SPECC1: variants seen among roughly 807,000 people sequenced by gnomAD.
SPECC1 encodes the protein sperm antigen with calponin homology and coiled-coil domains 1.
In SPECC1, 62 loss-of-function variants were observed where a neutral mutation model predicts 104.1. The ratio of observed to expected loss-of-function variants is 0.60; its 90% confidence interval spans 0.49 to 0.74. The LOEUF (loss-of-function observed/expected upper bound fraction) is 0.74, where lower values mean the gene tolerates loss of function less well. SPECC1 is among the 30% of genes least tolerant of loss of function. The pLI, the probability that SPECC1 is intolerant of heterozygous loss-of-function variation, is 0.00. For synonymous variants in SPECC1, 513 were observed against 501.6 expected, an observed-to-expected ratio of 1.02 and a Z score of -0.30; for missense variants, 1,306 against 1,310.5, an observed-to-expected ratio of 1.00 and a Z score of 0.05.
At chr17:20,159,380 A>G (rs1479753194) in intron 3 of SPECC1, among the ~76,000 whole-genome samples, 1 of 152,234 alleles carries the variant, frequency 6.6e-6, no homozygotes, top group Admixed American at 6.5e-5. Context: ...TTCTTGAAAA[A>G]GGGATCCCAG....
intron 14 of SPECC1, among the ~76,000 whole-genome samples, chr17:20,306,476 C>T (rs542224127): frequency 2.0e-5 from 3 of 152,180 alleles, no homozygotes; most frequent in Non-Finnish European, 4.4e-5. Flanking sequence ...ACAACTGAGC[C>T]TGCAAAACTC....
chr17:20,159,653 G>T (rs564356670), intron 3 of SPECC1, among the ~76,000 whole-genome samples: 1 of 152,312 alleles, frequency 6.6e-6, no homozygotes, highest in African/African-American at 2.4e-5. Flanking sequence ...GCAGTCCTCC[G>T]AGTTGGGACA....
intron 13 of SPECC1, 116 bp from the exon 14 acceptor site, chr17:20,305,907 A>G (rs987605972): frequency 2.1e-5 from 19 of 886,164 alleles, no homozygotes; most frequent in Middle Eastern, 5.2e-4. Flanking sequence ...TTGACTTACT[A>G]TTCTTCGCTT....
At chr17:20,209,164 G>A (rs908671547) in intron 4 of SPECC1, among the ~76,000 whole-genome samples, 1 of 152,076 alleles carries the variant, frequency 6.6e-6, no homozygotes, top group Non-Finnish European at 1.5e-5. Context: ...GTTTTCAGTG[G>A]TTTCACTTGA....
intron 2 of SPECC1, among the ~76,000 whole-genome samples, chr17:20,104,551 T>C (rs1422005108): frequency 6.6e-6 from 1 of 151,794 alleles, no homozygotes; most frequent in Non-Finnish European, 1.5e-5. Flanking sequence ...GAGACCAGCC[T>C]GGCCAACATG....
intron 13 of SPECC1, 41 bp downstream of exon 13, chr17:20,297,118 T>C (rs1299249989): frequency 6.4e-7 from 1 of 1,565,662 alleles, no homozygotes. Context: ...CTCTAAGAAA[T>C]GCAGGAGTCC....
intron 1 of SPECC1, among the ~76,000 whole-genome samples, chr17:20,012,442 T>C (rs2043976141): frequency 6.6e-6 from 1 of 152,064 alleles, no homozygotes; most frequent in African/African-American, 2.4e-5. Flanking sequence ...GAAGCTGTTT[T>C]ATGTGCTTAA....
At chr17:20,144,922 G>A (rs1176048641) in intron 3 of SPECC1, among the ~76,000 whole-genome samples, 1 of 152,164 alleles carries the variant, frequency 6.6e-6, no homozygotes, top group Non-Finnish European at 1.5e-5. Flanking sequence ...TATAGTGATT[G>A]ATATCAGTCT....
chr17:20,220,558 GTT>G (rs34347184), intron 4 of SPECC1, among the ~76,000 whole-genome samples: 1,781 of 128,012 alleles, frequency 0.014, 32 homozygotes, highest in African/African-American at 0.043. Context: ...GTTCTTAATA[GTT>G]TTTTTTTTTT....
intron 4 of SPECC1, among the ~76,000 whole-genome samples, chr17:20,209,896 A>G (rs564684171): frequency 1.1e-4 from 16 of 152,374 alleles, no homozygotes; most frequent in Non-Finnish European, 1.5e-4. Context: ...AAAGAAAATT[A>G]TCTATTTATT....
intron 12 of SPECC1, among the ~76,000 whole-genome samples, chr17:20,271,573 C>A (rs905538697): frequency 3.9e-5 from 6 of 152,162 alleles, no homozygotes; most frequent in Non-Finnish European, 5.9e-5. Context: ...CGCAACTCTT[C>A]ATGAGATATC....
rs1490180980 is a variant in SPECC1, at chr17:20,316,323, C to T, written c.*2258C>T. On this transcript the variant is annotated 3_prime_UTR_variant, in exon 15 of 15. Coordinates refer to ENST00000395527, the MANE Select transcript of SPECC1 (RefSeq NM_001243439.2). ...GAGGCAGTTGCTGTCTTGGGATACCCGGAGTGGGAGTGGGTGTTTTCTGTG... is the reference window on the plus strand; with the variant it reads ...GAGGCAGTTGCTGTCTTGGGATACCTGGAGTGGGAGTGGGTGTTTTCTGTG... 2 of 230,222 alleles carry T rather than the reference C, an allele frequency of 8.7e-6. No homozygotes were observed. The highest frequency in any genetic ancestry group is 1.3e-3 in the Middle Eastern group (1 of 792). 14.3% of individuals were successfully genotyped at this position (230,222 alleles called of 1,614,324 possible).
intron 3 of SPECC1, among the ~76,000 whole-genome samples, chr17:20,167,857 AT>A (rs754712410): frequency 2.6e-5 from 4 of 152,232 alleles, no homozygotes; most frequent in Non-Finnish European, 5.9e-5. Context: ...ACAGATGATT[AT>A]TTCTTAATTT....
chr17:20,253,731 T>C (rs2039718510), intron 10 of SPECC1, 145 bp downstream of exon 10: 3 of 759,670 alleles, frequency 3.9e-6, no homozygotes, highest in Non-Finnish European at 6.4e-6. Context: ...GTACATATCA[T>C]GAATGTTAGA....
chr17:20,010,105 C>A (rs1030538548), intron 1 of SPECC1: 2 of 151,960 alleles, frequency 1.3e-5, no homozygotes, highest in East Asian at 1.9e-4. Context: ...CGACCTCCTT[C>A]CCCAGTGCCC....
At chr17:20,238,567 A>C (rs1442190046) in intron 7 of SPECC1, 2 of 1,043,204 alleles carry the variant, frequency 1.9e-6, no homozygotes, top group South Asian at 9.2e-5. Context: ...TGGGGTGTCA[A>C]ACTGGACAGC....
intron 1 of SPECC1, among the ~76,000 whole-genome samples, chr17:20,035,750 AT>A (rs2045046707): frequency 6.6e-6 from 1 of 152,026 alleles, no homozygotes; most frequent in South Asian, 2.1e-4. Context: ...AGCTCAATTG[AT>A]TTTTGTATGT....
At position 20,318,458 on chromosome 17, in the gene SPECC1, C is replaced by A. The variant is rs564566680; in HGVS notation, c.*4393C>A. 2.1e-4 allele frequency: 49 copies of A among 231,614 alleles called. No homozygotes were observed. The highest frequency in any genetic ancestry group is 3.6e-4 in the South Asian group (2 of 5,516). The allele number at this position is 231,614 out of a possible 1,614,324, so 14.3% of individuals were successfully genotyped here. Reference sequence around the variant, plus strand: ...GTGGGTGTTAGATAAAAACACACATCCCCAGGGGACAAGCCATCCAGCGGT... The same window carrying A: ...GTGGGTGTTAGATAAAAACACACATACCCAGGGGACAAGCCATCCAGCGGT... On this transcript the variant is annotated 3_prime_UTR_variant, in exon 15 of 15. Transcript: ENST00000395527.
At chr17:20,054,686 G>T (rs984841096) in intron 1 of SPECC1, among the ~76,000 whole-genome samples, 1 of 151,634 alleles carries the variant, frequency 6.6e-6, no homozygotes, top group Non-Finnish European at 1.5e-5. Context: ...TTTTTTGGGG[G>T]GGGTGGTGTC....
Sources: gnomAD v4.1 joint callset for allele counts (sites outside exome capture counted in the v4.1 genomes callset) on GRCh38, gnomAD v4.1.1 for gene constraint, MANE v1.5 for transcripts, NCBI Gene and HGNC (gene_info 2026-07-23, HGNC 2026-07-21) for gene names.